USP40: variants seen among roughly 807,000 people sequenced by gnomAD.
USP40 encodes the protein ubiquitin carboxyl-terminal hydrolase 40.
A neutral mutation model predicts 166.2 loss-of-function variants in USP40; 143 were observed. The observed-to-expected ratio is 0.86, with a 90% CI of 0.75 to 0.99. The LOEUF is 0.99. Ranked by LOEUF, USP40 falls within the 50% of genes least tolerant of loss-of-function variation. The pLI is 0.00. For missense variants in USP40, 1,444 were observed against 1,479.7 expected (o/e 0.98, Z 0.40); for synonymous variants, 498 against 524.0 (o/e 0.95, Z 0.68).
At chr2:233,559,017 T>C (rs1443376848) in intron 4 of USP40, among the ~76,000 whole-genome samples, 1 of 152,218 alleles carries the variant, frequency 6.6e-6, no homozygotes, top group Non-Finnish European at 1.5e-5. Context: ...ATTCCTATCG[T>C]TTGCTCTTTA....
chr2:233,557,067 T>C lies in USP40; in HGVS notation c.382-48A>G, dbSNP rs1232115381. On this transcript the variant is annotated intron_variant, in intron 4 of 31. Transcript: ENST00000678225. Reference sequence around the variant, plus strand: ...ATGTAATTCCGGGCTTCAGATTTTTTAAAACATTAAAAAAACAAACATTAG... The same window carrying C: ...ATGTAATTCCGGGCTTCAGATTTTTCAAAACATTAAAAAAACAAACATTAG... The C allele has an allele frequency of 2.0e-6, 3 of 1,506,468 alleles. No homozygotes were observed. In the East Asian group the frequency reaches 6.9e-5, roughly 35 times the overall value. 93.3% of individuals were successfully genotyped at this position (1,506,468 alleles called of 1,614,324 possible). A position where few individuals can be genotyped will look rare whatever the true frequency, so the allele number is the denominator to read the frequency against.
Position 233,477,266 on chromosome 2 carries a change from T to C in USP40, c.*126A>G. The C allele has an allele frequency of 2.3e-6, 2 of 878,902 alleles. No homozygotes were observed. Among genetic ancestry groups the C allele is most frequent in the East Asian group, 5.4e-5 (2 of 37,354 alleles). The allele number at this position is 878,902 out of a possible 1,614,324, so 54.4% of individuals were successfully genotyped here. Reference sequence around the variant, plus strand: ...GGCCAGGCCTCAGAGGAGCCGTCCCTGTGCTCAAAGGAAGCAGAGGATTTG... The same window carrying C: ...GGCCAGGCCTCAGAGGAGCCGTCCCCGTGCTCAAAGGAAGCAGAGGATTTG... On this transcript the variant is annotated 3_prime_UTR_variant, in exon 32 of 32. Coordinates refer to ENST00000678225, the MANE Select transcript of USP40 (RefSeq NM_001365479.2).
At position 233,511,748 on chromosome 2, in the gene USP40, T is replaced by G; in HGVS notation, c.2487A>C (p.Ser829=). Residue 829 remains serine (S), a synonymous_variant, in exon 20 of 32, where the codon TCA becomes TCC. Coordinates refer to ENST00000678225, the MANE Select transcript of USP40 (RefSeq NM_001365479.2). ...LKEAELKMGS[S]LGLCLGKAPS... is the part of the protein sequence containing the mutation. ...GTGCTTTTCCAAGACACAGTCCCAA[T>G]GAACTTCCCATCTTCAATTCTGCTT... 3 of 1,612,510 alleles carry G rather than the reference T, an allele frequency of 1.9e-6. No homozygotes were observed. The highest frequency in any genetic ancestry group is 2.5e-6 in the Non-Finnish European group (3 of 1,179,378).
Position 233,491,193 on chromosome 2 carries a change from C to T in USP40, c.2986G>A (p.Ala996Thr), listed in dbSNP as rs1414341453. The change falls in exon 26 of 32, where the codon GCC (alanine) becomes ACC (threonine). Residue 996 changes from alanine to threonine, a missense_variant. By Grantham distance (58) the Ala-to-Thr change is moderately conservative (BLOSUM62 0). Transcript: ENST00000678225. ...YLGDIEISEDATLAELKSQAM... is the reference protein window; with the variant it reads ...YLGDIEISEDTTLAELKSQAM... ...TGAGACTTCAGCTCCGCCAGCGTGG[C>T]ATCTTCTGAGATCTCTATGTCTCCC... is the stretch of plus-strand genomic sequence containing the variant. The T allele has an allele frequency of 1.2e-6, 2 of 1,610,706 alleles. No individual in the cohort carries two copies. The highest frequency in any genetic ancestry group is 3.4e-5 in the Admixed American group (2 of 59,700).
intron 26 of USP40, 158 bp from the exon 27 acceptor site, chr2:233,489,641 T>A (rs1363140546): frequency 1.5e-6 from 1 of 651,692 alleles, no homozygotes; most frequent in African/African-American, 1.8e-5. Flanking sequence ...GGAATCTCTC[T>A]CTCTCTTAAA....
chr2:233,488,650 C>T (rs2065105754), intron 27 of USP40, among the ~76,000 whole-genome samples: 1 of 152,214 alleles, frequency 6.6e-6, no homozygotes, highest in Admixed American at 6.5e-5. Flanking sequence ...CACAGTGGCT[C>T]ACGCCAGTAA....
At position 233,510,047 on chromosome 2, in the gene USP40, A is replaced by G; in HGVS notation, c.2613+2T>C. 1 of 1,578,224 alleles carries G rather than the reference A, an allele frequency of 6.3e-7. No individual in the cohort carries two copies. Among genetic ancestry groups the G allele is most frequent in the Non-Finnish European group, 8.6e-7 (1 of 1,159,442 alleles). On this transcript the variant is annotated splice_donor_variant, in intron 21 of 31. Coordinates refer to ENST00000678225, the MANE Select transcript of USP40 (RefSeq NM_001365479.2). LOFTEE classifies it high-confidence loss of function. The stretch of plus-strand genomic sequence containing the variant: ...CTGAAAACAAAAGGTAAAATTACTT[A>G]CATCTCTCACAGATATTGTTTCTTC...
chr2:233,542,208 C>A, intron 9 of USP40, 60 bp downstream of exon 9: 1 of 949,528 alleles, frequency 1.1e-6, no homozygotes, highest in Non-Finnish European at 1.5e-6. Flanking sequence ...TATATACACA[C>A]ATGCACACAT....
At chr2:233,548,863 T>C (rs1013326241) in intron 8 of USP40, among the ~76,000 whole-genome samples, 1 of 152,130 alleles carries the variant, frequency 6.6e-6, no homozygotes, top group African/African-American at 2.4e-5. Flanking sequence ...TGTTAACAAT[T>C]AGAGAATCTA....
In USP40 at chr2:233,554,215, A is replaced by G. The variant is rs1218591681; in HGVS notation, c.693+165T>C. On this transcript the variant is annotated intron_variant, in intron 6 of 31. Transcript: ENST00000678225. ...GGTGAACTGTTGGGTTGAAAGCCTT[A>G]AAAATTCATTATTGTAAAAAATTAA... 3.9e-6 allele frequency: 3 copies of G among 773,272 alleles called. No homozygotes were observed. The African/African-American group carries it at 5.4e-5, about 14-fold the overall frequency. The allele number at this position is 773,272 out of a possible 1,614,324, so 47.9% of individuals were successfully genotyped here.
At chr2:233,497,131 G>T (rs187517365) in intron 23 of USP40, among the ~76,000 whole-genome samples, 2 of 152,180 alleles carry the variant, frequency 1.3e-5, no homozygotes, top group East Asian at 3.8e-4. Flanking sequence ...AGATGGGTTG[G>T]ATTTGGAAAG....
In USP40 at chr2:233,517,379, G is replaced by GTT. The variant is rs202226925; in HGVS notation, c.2383+2233_2383+2234dup. Among the ~76,000 whole-genome samples, 665 of 137,100 alleles carry GTT rather than the reference G, an allele frequency of 4.9e-3. 32 individuals are homozygous for GTT. Among genetic ancestry groups the GTT allele is most frequent in the African/African-American group, 0.017 (615 of 35,616 alleles). The allele number at this position is 137,100 out of a possible 152,430, so 89.9% of individuals were successfully genotyped here. On this transcript the variant is annotated intron_variant, in intron 18 of 31. Coordinates refer to ENST00000678225, the MANE Select transcript of USP40 (RefSeq NM_001365479.2). ...CAAAAAAGATACTTGCACATGCATG[G>GTT]TTTTTTGTTTTTTTTTTTTTTTTGA... is the stretch of plus-strand genomic sequence containing the variant.
Position 233,481,397 on chromosome 2 carries a change from C to A in USP40, c.3505-100G>T, listed in dbSNP as rs574833944. On this transcript the variant is annotated intron_variant, in intron 30 of 31. Transcript: ENST00000678225. ...AAAACTACCTATATTGACAAAAGAA[C>A]AGATTCAAATTTACATAAACTAGGT... is the stretch of plus-strand genomic sequence containing the variant. The A allele has an allele frequency of 1.1e-3, 1,166 of 1,035,294 alleles. 1 individual carries two copies. The highest frequency in any genetic ancestry group is 1.5e-3 in the Non-Finnish European group (1,028 of 708,926). The allele number at this position is 1,035,294 out of a possible 1,614,324, so 64.1% of individuals were successfully genotyped here.
intron 10 of USP40, 39 bp downstream of exon 10, chr2:233,540,623 C>T (rs757471157): frequency 1.9e-5 from 25 of 1,320,410 alleles, no homozygotes; most frequent in Non-Finnish European, 2.4e-5. Context: ...AATGAAATTT[C>T]TTGGGACTAG....
At chr2:233,560,812 T>C (rs2125399157) in intron 3 of USP40, 1 of 474,554 alleles carries the variant, frequency 2.1e-6, no homozygotes, top group African/African-American at 2.0e-5. Context: ...TTTTTTTGTG[T>C]GGGGTGGAGA....
Position 233,481,375 on chromosome 2 carries a change from ACTAC to A in USP40, c.3505-82_3505-79del. ...CATTTAAAAGAGGCATGTCTAAAAA[ACTAC>A]CTATATTGACAAAAGAACAGATTCA... On this transcript the variant is annotated intron_variant, in intron 30 of 31. Transcript: ENST00000678225. The A allele has an allele frequency of 2.4e-6, 3 of 1,232,664 alleles. 1 individual carries two copies. In the South Asian group the frequency reaches 4.1e-5, roughly 17 times the overall value. 76.4% of individuals were successfully genotyped at this position (1,232,664 alleles called of 1,614,324 possible).
rs997223712 is a variant in USP40 at position 233,477,499 on chromosome 2, C to T, written c.3604G>A (p.Glu1202Lys). 1.2e-6 allele frequency: 2 copies of T among 1,612,960 alleles called. No individual in the cohort carries two copies. The highest frequency in any genetic ancestry group is 1.1e-5 in the South Asian group (1 of 90,948). ...TAGCTGCTCTGCTCATGGAGGGCTT[C>T]TTGGCTGCAGAGACACAGACACTGT... ...QRALGRRKSQ[E>K]ALHEQSSYIL... The change falls in exon 32 of 32, where the codon GAA becomes AAA. Residue 1202 changes from glutamate to lysine, a missense_variant. Glu to Lys is a moderately conservative substitution (Grantham distance 56). Coordinates refer to ENST00000678225, the MANE Select transcript of USP40 (RefSeq NM_001365479.2).
At chr2:233,552,214 A>G (rs557708939) in intron 6 of USP40, among the ~76,000 whole-genome samples, 19 of 151,784 alleles carry the variant, frequency 1.3e-4, no homozygotes, top group Middle Eastern at 6.8e-3. Flanking sequence ...GGTAAAAAAA[A>G]AAGTTGAATG....
At chr2:233,561,061 T>C in intron 3 of USP40, 1 of 1,318,816 alleles carries the variant, frequency 7.6e-7, no homozygotes, top group Non-Finnish European at 1.1e-6. Flanking sequence ...ATTTGATAAT[T>C]AATAAAATTA....
Sources: allele counts gnomAD v4.1 joint callset (sites outside exome capture counted in the v4.1 genomes callset), GRCh38; gene constraint gnomAD v4.1.1; transcripts MANE v1.5; gene names NCBI Gene and HGNC (gene_info 2026-07-23, HGNC 2026-07-21).